Variants in MASP1 observed in about 807,000 individuals in gnomAD.
The protein encoded by MASP1 is MBL associated serine protease 1.
MASP1 carries 59 observed loss-of-function variants against 77.1 expected under a neutral mutation model. The ratio of observed to expected loss-of-function variants is 0.77; its 90% CI spans 0.62 to 0.95. The LOEUF (loss-of-function observed/expected upper bound fraction) is 0.95, where lower values mean the gene tolerates loss of function less well. Among genes scored for constraint, MASP1 ranks in the 40% least tolerant of loss-of-function variants. The pLI, the probability that MASP1 is intolerant of heterozygous loss-of-function variation, is 0.00. For synonymous variants in MASP1, 362 were observed against 354.5 expected (o/e 1.02, Z -0.24); for missense variants, 885 against 912.9 (o/e 0.97, Z 0.39).
At chr3:187,262,305 GA>G (rs1213941719) in intron 3 of MASP1, among the ~76,000 whole-genome samples, 2 of 152,294 alleles carry the variant, frequency 1.3e-5, no homozygotes, top group African/African-American at 2.4e-5. Flanking sequence ...AATTATTTAG[GA>G]AGAAGTATAC....
intron 13 of MASP1, chr3:187,223,251 G>T: frequency 1.4e-6 from 2 of 1,382,352 alleles, no homozygotes; most frequent in Non-Finnish European, 2.1e-6. Context: ...TGTTTGGAGG[G>T]GTGCAGCTTG....
Position 187,236,130 on chromosome 3 carries a change from C to G in MASP1, c.1741G>C (p.Gly581Arg). ...AGGCCCAGCATGTGGGGGGCCGGGCCTTCAGGCTCAAGCCTTGGCAGGCAG... is the reference window on the plus strand; with the variant it reads ...AGGCCCAGCATGTGGGGGGCCGGGCGTTCAGGCTCAAGCCTTGGCAGGCAG... ...PVCLPRLEPE[G>R]PAPHMLGLVA... The change falls in exon 11 of 11, where the codon GGC (glycine) becomes CGC (arginine). Residue 581 changes from glycine (G) to arginine (R), a missense_variant. Gly to Arg is a moderately radical substitution (Grantham distance 125). Coordinates refer to ENST00000296280, the MANE Select transcript of MASP1 (RefSeq NM_139125.4). 6.2e-7 allele frequency: 1 copy of G among 1,613,964 alleles called. No individual in the cohort carries two copies. Among genetic ancestry groups the G allele is most frequent in the African/African-American group, 1.3e-5 (1 of 75,056 alleles).
At chr3:187,281,401 G>A (rs1251896196) in intron 2 of MASP1, among the ~76,000 whole-genome samples, 1 of 152,226 alleles carries the variant, frequency 6.6e-6, no homozygotes, top group Non-Finnish European at 1.5e-5. Flanking sequence ...GAGTTGGAAG[G>A]TTTCTTAAAC....
downstream of MASP1, chr3:187,229,767 G>A (rs1712655381): frequency 6.2e-7 from 1 of 1,614,016 alleles, no homozygotes; most frequent in African/African-American, 1.3e-5. Flanking sequence ...TACCTAGAAG[G>A]GAGCCTCCGC....
intron 14 of MASP1, among the ~76,000 whole-genome samples, chr3:187,222,342 G>A (rs111674293): frequency 0.019 from 2,827 of 152,288 alleles, 106 homozygotes; most frequent in African/African-American, 0.065. Flanking sequence ...TTTTACCCCA[G>A]CACAGCTAGT....
At chr3:187,227,748 G>A (rs1712520718) in intron 11 of MASP1, among the ~76,000 whole-genome samples, 1 of 152,162 alleles carries the variant, frequency 6.6e-6, no homozygotes, top group African/African-American at 2.4e-5. Context: ...GGTGGGCTGA[G>A]GTACCCAGGT....
At chr3:187,254,739 G>A (rs1206092473) in intron 5 of MASP1, among the ~76,000 whole-genome samples, 1 of 152,118 alleles carries the variant, frequency 6.6e-6, no homozygotes, top group South Asian at 2.1e-4. Context: ...GAGGTTGGGG[G>A]CAGTGGGGGA....
intron 3 of MASP1, among the ~76,000 whole-genome samples, chr3:187,261,411 G>A (rs1360631499): frequency 6.6e-6 from 1 of 152,104 alleles, no homozygotes; most frequent in Non-Finnish European, 1.5e-5. Flanking sequence ...CCTGTCCTAG[G>A]CATTTGAATG....
rs538997829 is a variant in MASP1 at position 187,285,155 on chromosome 3, A to T, written c.237+670T>A. The stretch of plus-strand genomic sequence containing the variant: ...AAGAAGAACAGCTTCCCACCCATGG[A>T]ATTTTTTTTTTTGTGGGGGGTTCTC... On this transcript the variant is annotated intron_variant, in intron 2 of 10. Coordinates refer to ENST00000296280, the MANE Select transcript of MASP1 (RefSeq NM_139125.4). 5.5e-5 allele frequency among the ~76,000 whole-genome samples: 4 copies of T among 73,064 alleles called. No homozygotes were observed. The East Asian group carries it at 1.5e-3, about 27-fold the overall frequency. 47.9% of individuals were successfully genotyped at this position (73,064 alleles called of 152,430 possible). A position where few individuals can be genotyped will look rare whatever the true frequency, so the allele number is the denominator to read the frequency against.
At chr3:187,266,955 T>C (rs1377507185) in intron 2 of MASP1, among the ~76,000 whole-genome samples, 1 of 152,240 alleles carries the variant, frequency 6.6e-6, no homozygotes, top group Non-Finnish European at 1.5e-5. Context: ...GCTCTCTGCA[T>C]GTCCATAAAT....
chr3:187,237,989 G>A (rs1057271557), intron 10 of MASP1, among the ~76,000 whole-genome samples: 6 of 152,194 alleles, frequency 3.9e-5, no homozygotes, highest in African/African-American at 7.2e-5. Context: ...GGCCAGATGT[G>A]AACTGGTCTT....
At chr3:187,222,858 T>C (rs2090713550) in intron 14 of MASP1, among the ~76,000 whole-genome samples, 1 of 152,208 alleles carries the variant, frequency 6.6e-6, no homozygotes, top group Non-Finnish European at 1.5e-5. Flanking sequence ...TGCTGTTTTC[T>C]GGGAGAATTT....
In MASP1 at chr3:187,289,451, A is replaced by T. The variant is rs540202091; in HGVS notation, c.5+2177T>A. Among the ~76,000 whole-genome samples, 144 of 152,352 alleles carry T rather than the reference A, an allele frequency of 9.5e-4. 1 individual carries two copies. In the Middle Eastern group the frequency reaches 0.01, roughly 11 times the overall value. ...TATGGTGAATTAACTTCAACAGAAGAAGGGAATAAAAAGAGCTCACAGAAG... is the reference window on the plus strand; with the variant it reads ...TATGGTGAATTAACTTCAACAGAAGTAGGGAATAAAAAGAGCTCACAGAAG... On this transcript the variant is annotated intron_variant, in intron 1 of 10. Transcript: ENST00000296280.
intron 5 of MASP1, 71 bp downstream of exon 5, chr3:187,256,593 G>T: frequency 6.9e-7 from 1 of 1,443,706 alleles, no homozygotes; most frequent in Admixed American, 1.7e-5. Context: ...TGAAGGTTCC[G>T]CAATATCAAT....
exon 16 of MASP1, chr3:187,220,117 T>C (rs1384687250): frequency 6.2e-7 from 1 of 1,613,962 alleles, no homozygotes; most frequent in Admixed American, 1.7e-5. Flanking sequence ...CTTGTTGTGG[T>C]GGATGTAAGA....
chr3:187,243,695 A>G, intron 8 of MASP1, 74 bp from the exon 9 acceptor site: 3 of 1,544,824 alleles, frequency 1.9e-6, no homozygotes, highest in Non-Finnish European at 2.7e-6. Flanking sequence ...GATCTATCTC[A>G]TGCAGATGTA....
rs1277984035 is a variant in MASP1, at chr3:187,236,468, A to G, written c.1403T>C (p.Val468Ala). 3 of 1,613,908 alleles carry G rather than the reference A, an allele frequency of 1.9e-6. No individual in the cohort carries two copies. Among genetic ancestry groups the G allele is most frequent in the Admixed American group, 1.7e-5 (1 of 59,922 alleles). Residue 468 changes from valine (V) to alanine (A), a missense_variant, in exon 11 of 11, where the codon GTG (valine) becomes GCG (alanine). Physicochemically the swap from Val to Ala is moderately conservative, Grantham distance 64. Transcript: ENST00000296280. ...TGGCACTCTCGAAGTGTCCTCCACC[A>G]CTATCAGGGCCTGCCACGGGAAGAG... ...PGLFPWQALI[V>A]VEDTSRVPND...
chr3:187,283,904 A>G (rs1216874946), intron 2 of MASP1, among the ~76,000 whole-genome samples: 1 of 152,192 alleles, frequency 6.6e-6, no homozygotes, highest in East Asian at 1.9e-4. Flanking sequence ...CCTACAATCC[A>G]TCTTATCCTG....
chr3:187,236,226 T>G lies in MASP1; in HGVS notation c.1645A>C (p.Asn549His), dbSNP rs1382650358. 6.2e-7 allele frequency: 1 copy of G among 1,614,088 alleles called. No homozygotes were observed. Among genetic ancestry groups the G allele is most frequent in the Non-Finnish European group, 8.5e-7 (1 of 1,180,008 alleles). ...ACCAGAGCTATATCGTGGTTGTAGT[T>G]TTGGATGTTGAAGTCTGGGTGGAGC... is the stretch of plus-strand genomic sequence containing the variant. The part of the protein sequence containing the change: ...VVLHPDFNIQ[N>H]YNHDIALVQL... Residue 549 changes from asparagine to histidine, a missense_variant, in exon 11 of 11, where the codon AAC (asparagine) becomes CAC (histidine). Asn to His is a moderately conservative substitution (Grantham distance 68, BLOSUM62 1). Coordinates refer to ENST00000296280, the MANE Select transcript of MASP1 (RefSeq NM_139125.4).
Sources: allele counts gnomAD v4.1 joint callset (sites outside exome capture counted in the v4.1 genomes callset), GRCh38; gene constraint gnomAD v4.1.1; transcripts MANE v1.5; gene names NCBI Gene and HGNC (gene_info 2026-07-23, HGNC 2026-07-21).